The following RABGAP1 variants were observed in gnomAD, a reference collection of about 807,000 sequenced individuals.
RABGAP1 encodes the protein rab GTPase-activating protein 1.
RABGAP1 carries 23 observed loss-of-function variants against 137.6 expected under a neutral mutation model. The observed-to-expected ratio is 0.17, with a 90% CI of 0.12 to 0.24. The LOEUF (loss-of-function observed/expected upper bound fraction) is 0.24. Ranked by LOEUF, RABGAP1 falls within the 10% of genes least tolerant of loss-of-function variation. The probability of loss-of-function intolerance (pLI) is 1.00; values close to 1 mark genes in which losing one functional copy is unlikely to be tolerated. For synonymous variants in RABGAP1, 451 were observed against 450.7 expected (o/e 1.00, Z -0.01); for missense variants, 906 against 1,275.8 (o/e 0.71, Z 4.42).
At chr9:122,950,377 C>CTTTTTTTTTTTTTTTTTTTTTTTTTGTTT (rs200424486) in intron 1 of RABGAP1, among the ~76,000 whole-genome samples, 1 of 74,492 alleles carries the variant, frequency 1.3e-5, no homozygotes, top group Admixed American at 1.8e-4. Flanking sequence ...CTTTTTCTTT[C>CTTTTTTTTTTTTTTTTTTTTTTTTTGTTT]TTTTTTTTTT....
In RABGAP1 at chr9:123,055,546, CT is replaced by C. The variant is rs930532167; in HGVS notation, c.1795-9782del. Among the ~76,000 whole-genome samples, 503 of 121,982 alleles carry C rather than the reference CT, an allele frequency of 4.1e-3. 4 individuals carry two copies. Among genetic ancestry groups the C allele is most frequent in the East Asian group, 0.03 (131 of 4,336 alleles). 80.0% of individuals were successfully genotyped at this position (121,982 alleles called of 152,430 possible). ...CATGCCCAGCCAGATATTTCTTCTT[CT>C]TTTTTTTTTTTTTTTTTTTGAGATG... On this transcript the variant is annotated intron_variant, in intron 13 of 25. Transcript: ENST00000373647.
intron 19 of RABGAP1, 77 bp downstream of exon 19, chr9:123,076,839 ATTAT>A (rs1484597143): frequency 5.0e-6 from 5 of 1,005,524 alleles, no homozygotes; most frequent in East Asian, 3.8e-5. Context: ...ATAATACATA[ATTAT>A]TTATGTATTA....
chr9:123,010,524 G>C lies in RABGAP1; in HGVS notation c.1545G>C (p.Glu515Asp). The C allele has an allele frequency of 6.2e-7, 1 of 1,613,126 alleles. No homozygotes were observed. The highest frequency in any genetic ancestry group is 8.5e-7 in the Non-Finnish European group (1 of 1,179,286). ...CTTCTCCTCCAGAAGATGATGAAGA[G>C]GAAGGTAAACTGTAGGGATAGCTTA... ...VIPSPPEDDE[E>D]EDNDEPLLSG... The change falls in exon 11 of 26, where the codon GAG becomes GAC. Residue 515 changes from glutamate (E) to aspartate (D), a missense_variant. Around this residue, in one of 9 missense-constraint regions of RABGAP1, gnomAD observed 212 missense variants for 289.4 expected, o/e 0.73. Transcript: ENST00000373647.
intron 19 of RABGAP1, among the ~76,000 whole-genome samples, chr9:123,084,378 G>A (rs1381820398): frequency 1.3e-5 from 2 of 152,088 alleles, no homozygotes; most frequent in African/African-American, 2.4e-5. Context: ...TTGGAGTCAG[G>A]ATCTCCTTAA....
intron 13 of RABGAP1, chr9:123,061,907 G>T (rs947994675): frequency 9.8e-5 from 15 of 152,308 alleles, no homozygotes; most frequent in African/African-American, 3.4e-4. Context: ...GTTTGGCCAC[G>T]AATAGTGTTA....
At chr9:123,078,006 G>A (rs1252677067) in intron 19 of RABGAP1, among the ~76,000 whole-genome samples, 1 of 152,166 alleles carries the variant, frequency 6.6e-6, no homozygotes, top group Admixed American at 6.5e-5. Flanking sequence ...ACTAGTGTGT[G>A]TAAACTGATA....
intron 2 of RABGAP1, among the ~76,000 whole-genome samples, chr9:122,979,105 C>T (rs895198895): frequency 3.3e-5 from 5 of 151,944 alleles, no homozygotes; most frequent in Non-Finnish European, 5.9e-5. Flanking sequence ...ACCATGTTGC[C>T]CAGGCTAGTT....
chr9:122,957,314 G>T (rs151022295), intron 2 of RABGAP1, 105 bp downstream of exon 2: 1 of 861,422 alleles, frequency 1.2e-6, no homozygotes, highest in East Asian at 3.0e-5. Flanking sequence ...GAACATGGAA[G>T]TAATATACTT....
rs10660327 is a variant in RABGAP1, at chr9:122,942,669, C to CAAAAAAAAAAAA, written c.-50+1584_-50+1595dup. ...TGAGCAACAGAGCGAGACTCCGTCT[C>CAAAAAAAAAAAA]AAAAAAAAAAAAAAAAAAACACAAA... On this transcript the variant is annotated intron_variant, in intron 1 of 25. Transcript: ENST00000373647. 6.6e-5 allele frequency among the ~76,000 whole-genome samples: 6 copies of CAAAAAAAAAAAA among 90,350 alleles called. 1 individual carries two copies. The highest frequency in any genetic ancestry group is 6.3e-5 in the Non-Finnish European group (3 of 47,744). The allele number at this position is 90,350 out of a possible 152,430, so 59.3% of individuals were successfully genotyped here.
chr9:123,056,484 T>C lies in RABGAP1; in HGVS notation c.1795-8864T>C, dbSNP rs187494116. 7.4e-3 allele frequency among the ~76,000 whole-genome samples: 1,109 copies of C among 150,138 alleles called. 10 individuals carry two copies. Among genetic ancestry groups the C allele is most frequent in the African/African-American group, 0.026 (1,051 of 41,074 alleles). ...AGGATTATGCTGTTTCTTTTTTCTT[T>C]TTTTTTTTTTTTTTAATTGATCATT... On this transcript the variant is annotated intron_variant, in intron 13 of 25. Coordinates refer to ENST00000373647, the MANE Select transcript of RABGAP1 (RefSeq NM_012197.4).
At chr9:123,041,246 A>T (rs1195263046) in intron 13 of RABGAP1, among the ~76,000 whole-genome samples, 1 of 152,260 alleles carries the variant, frequency 6.6e-6, no homozygotes, top group Admixed American at 6.5e-5. Context: ...CCAGAGTCAG[A>T]CAGCTTATAA....
At chr9:123,035,658 G>A (rs1440336322) in intron 13 of RABGAP1, 1 of 849,560 alleles carries the variant, frequency 1.2e-6, no homozygotes, top group Non-Finnish European at 1.8e-6. Flanking sequence ...GTGTGTGTGT[G>A]TGTGTGTGTG....
At chr9:123,062,096 C>G (rs1260253498) in intron 13 of RABGAP1, 1 of 152,132 alleles carries the variant, frequency 6.6e-6, no homozygotes, top group Non-Finnish European at 1.5e-5. Flanking sequence ...GGAGAAAACC[C>G]GTCTCTACTA....
intron 10 of RABGAP1, among the ~76,000 whole-genome samples, chr9:123,005,369 C>G (rs1252869725): frequency 2.6e-5 from 4 of 151,398 alleles, no homozygotes; most frequent in African/African-American, 7.3e-5. Flanking sequence ...CTCGGAAGTC[C>G]GCTTCCATTT....
At chr9:123,034,371 A>C in intron 13 of RABGAP1, 2 of 576,222 alleles carry the variant, frequency 3.5e-6, no homozygotes, top group South Asian at 2.4e-5. Flanking sequence ...GGCTCTCCTT[A>C]TTCCAGGAAG....
chr9:123,005,596 C>T (rs1193627525), intron 10 of RABGAP1, among the ~76,000 whole-genome samples: 1 of 152,156 alleles, frequency 6.6e-6, no homozygotes, highest in Admixed American at 6.5e-5. Context: ...TTCCTCATTT[C>T]CGTTTTAATG....
At chr9:122,984,804 A>C in intron 3 of RABGAP1, 85 bp downstream of exon 3, 1 of 1,227,766 alleles carries the variant, frequency 8.1e-7, no homozygotes. Flanking sequence ...TTTATTTAGA[A>C]CAGGCAAAAC....
chr9:123,022,654 C>T (rs964703878), intron 13 of RABGAP1, among the ~76,000 whole-genome samples: 21 of 152,104 alleles, frequency 1.4e-4, no homozygotes, highest in African/African-American at 4.6e-4. Flanking sequence ...ATCCGCCCGC[C>T]TCGACCTCCC....
In RABGAP1 at chr9:123,001,649, A is replaced by G. The variant is rs540695734; in HGVS notation, c.1374+2883A>G. ...GAACTTGAATTTGGAGTCAGAGCAC[A>G]TGGATTTTACCGCTAGCTTGTTAAC... is the stretch of plus-strand genomic sequence containing the variant. On this transcript the variant is annotated intron_variant, in intron 10 of 25. Coordinates refer to ENST00000373647, the MANE Select transcript of RABGAP1 (RefSeq NM_012197.4). 3.3e-5 allele frequency among the ~76,000 whole-genome samples: 5 copies of G among 152,326 alleles called. No homozygotes were observed. In the South Asian group the frequency reaches 1.0e-3, roughly 32 times the overall value.
Sources: allele counts gnomAD v4.1 joint callset (sites outside exome capture counted in the v4.1 genomes callset), GRCh38; gene constraint gnomAD v4.1.1; regional missense constraint gnomAD v4.1.1; transcripts MANE v1.5; gene names NCBI Gene and HGNC (gene_info 2026-07-23, HGNC 2026-07-21).